Variants in ATP8A1 observed in about 807,000 individuals in gnomAD.
The protein encoded by ATP8A1 is ATPase phospholipid transporting 8A1, also known as phospholipid-transporting ATPase IA.
In ATP8A1, 90 loss-of-function variants were observed where a neutral mutation model predicts 177.7. That is an observed-to-expected ratio of 0.51 (90% CI 0.43 to 0.60). ATP8A1 has a LOEUF of 0.60. Ranked by LOEUF, ATP8A1 falls within the 20% of genes least tolerant of loss-of-function variation. ATP8A1 has a pLI of 0.00. For missense variants in ATP8A1, 1,072 were observed against 1,392.8 expected (o/e 0.77, Z 3.67); for synonymous variants, 493 against 485.9 (o/e 1.01, Z -0.19).
intron 6 of ATP8A1, among the ~76,000 whole-genome samples, chr4:42,593,897 T>A (rs1734454719): frequency 6.6e-6 from 1 of 151,992 alleles, no homozygotes. Flanking sequence ...TACCATTCCA[T>A]CATAATAATC....
rs185159610 is a variant in ATP8A1, at chr4:42,638,028, T to C, written c.50-10919A>G. Among the ~76,000 whole-genome samples the C allele has an allele frequency of 2.0e-3, 302 of 152,334 alleles. 2 individuals carry two copies. Among genetic ancestry groups the C allele is most frequent in the African/African-American group, 6.4e-3 (268 of 41,572 alleles). On this transcript the variant is annotated intron_variant, in intron 1 of 36. Transcript: ENST00000381668. ...ACAGGCACAAGGGTATGGGTAAGTA[T>C]CTATTAAGTATGCTACTCTAATATG... is the stretch of plus-strand genomic sequence containing the variant.
At chr4:42,561,115 TG>T (rs1730776013) in intron 15 of ATP8A1, among the ~76,000 whole-genome samples, 1 of 152,206 alleles carries the variant, frequency 6.6e-6, no homozygotes, top group South Asian at 2.1e-4. Flanking sequence ...AGTATTGGTT[TG>T]GGAGTGAAGA....
Position 42,556,023 on chromosome 4 carries a change from C to G in ATP8A1, c.1358G>C (p.Gly453Ala). The G allele has an allele frequency of 6.2e-7, 1 of 1,611,480 alleles. No homozygotes were observed. The highest frequency in any genetic ancestry group is 1.1e-5 in the South Asian group (1 of 90,668). Residue 453 changes from glycine (G) to alanine (A), a missense_variant, in exon 16 of 37, where the codon GGA becomes GCA. Physicochemically the swap from Gly to Ala is moderately conservative, Grantham distance 60. Around this residue, in one of 5 missense-constraint regions of ATP8A1, gnomAD observed 388 missense variants for 471.7 expected, o/e 0.82. Transcript: ENST00000381668. ...SPDEWQNSQFGDEKTFSDSSL... is the reference protein window; with the variant it reads ...SPDEWQNSQFADEKTFSDSSL... The stretch of plus-strand genomic sequence containing the variant: ...TGAATCACTAAATGTTTTTTCATCT[C>G]CAAACTGTGAGTTCTGCCTGAAGGG...
At chr4:42,612,106 T>TAAA (rs35389051) in intron 5 of ATP8A1, among the ~76,000 whole-genome samples, 34,096 of 151,958 alleles carry the variant, frequency 0.22, 4,283 homozygotes, top group Non-Finnish European at 0.29. Context: ...ACAGAGAAGA[T>TAAA]AAAGTGGCAA....
At chr4:42,424,477 T>C (rs1004608152) in intron 33 of ATP8A1, among the ~76,000 whole-genome samples, 40 of 152,312 alleles carry the variant, frequency 2.6e-4, no homozygotes, top group African/African-American at 9.4e-4. Flanking sequence ...TTTAAATCCA[T>C]ATATGTATTG....
At chr4:42,626,366 G>A (rs1217648882) in intron 2 of ATP8A1, 3 of 152,260 alleles carry the variant, frequency 2.0e-5, no homozygotes, top group Non-Finnish European at 4.4e-5. Flanking sequence ...TCTAGAATTT[G>A]AAATTGTACA....
At chr4:42,455,245 G>T in intron 29 of ATP8A1, 52 bp downstream of exon 29, 1 of 1,602,788 alleles carries the variant, frequency 6.2e-7, no homozygotes, top group Admixed American at 1.7e-5. Context: ...TATAATGAGG[G>T]CAGTAAACAC....
chr4:42,630,102 G>A (rs906397218), intron 1 of ATP8A1, among the ~76,000 whole-genome samples: 16 of 152,104 alleles, frequency 1.1e-4, no homozygotes, highest in African/African-American at 3.6e-4. Context: ...TATTTCCTCT[G>A]CATATCACCA....
intron 33 of ATP8A1, among the ~76,000 whole-genome samples, chr4:42,424,627 T>C (rs983135184): frequency 2.6e-5 from 4 of 152,200 alleles, no homozygotes; most frequent in African/African-American, 9.6e-5. Flanking sequence ...AATTTCAAAA[T>C]TACACATAAA....
intron 20 of ATP8A1, among the ~76,000 whole-genome samples, chr4:42,526,827 T>C (rs1170760183): frequency 6.6e-6 from 1 of 152,200 alleles, no homozygotes; most frequent in Non-Finnish European, 1.5e-5. Context: ...GTTCTTTCAT[T>C]GGTTTTGGGG....
At chr4:42,556,917 T>C (rs1369916747) in intron 15 of ATP8A1, among the ~76,000 whole-genome samples, 2 of 152,192 alleles carry the variant, frequency 1.3e-5, no homozygotes, top group African/African-American at 4.8e-5. Flanking sequence ...CAGAAAGCTT[T>C]TGATCACAAC....
At chr4:42,515,066 T>A in intron 22 of ATP8A1, among the ~76,000 whole-genome samples, 1 of 152,330 alleles carries the variant, frequency 6.6e-6, no homozygotes, top group South Asian at 2.1e-4. Context: ...ATTTTCTTGC[T>A]TACCCCAATG....
At chr4:42,525,214 A>T (rs1470919821) in intron 20 of ATP8A1, among the ~76,000 whole-genome samples, 1 of 152,232 alleles carries the variant, frequency 6.6e-6, no homozygotes, top group African/African-American at 2.4e-5. Context: ...GAACTCAAGT[A>T]AGTTTGGCAA....
chr4:42,589,023 C>G (rs1733900489), intron 7 of ATP8A1, among the ~76,000 whole-genome samples: 1 of 152,152 alleles, frequency 6.6e-6, no homozygotes, highest in Non-Finnish European at 1.5e-5. Context: ...GCTCCTTGAC[C>G]TAGAAGATGC....
chr4:42,460,561 G>C (rs1260193427), intron 27 of ATP8A1, among the ~76,000 whole-genome samples: 1 of 151,720 alleles, frequency 6.6e-6, no homozygotes, highest in Non-Finnish European at 1.5e-5. Context: ...CTAATTTTTT[G>C]TATTTTTAGT....
At chr4:42,565,850 T>C (rs977541492) in intron 15 of ATP8A1, among the ~76,000 whole-genome samples, 7 of 152,200 alleles carry the variant, frequency 4.6e-5, no homozygotes, top group African/African-American at 1.2e-4. Context: ...GAGCATATCT[T>C]AGGGCTACAT....
intron 33 of ATP8A1, among the ~76,000 whole-genome samples, chr4:42,431,713 G>A (rs1236043832): frequency 6.6e-6 from 1 of 152,056 alleles, no homozygotes; most frequent in Non-Finnish European, 1.5e-5. Context: ...AAACATCCTG[G>A]TAGCATAACT....
intron 20 of ATP8A1, among the ~76,000 whole-genome samples, chr4:42,528,634 C>T (rs1726953181): frequency 6.6e-6 from 1 of 152,082 alleles, no homozygotes; most frequent in South Asian, 2.1e-4. Context: ...GCCTATAAGG[C>T]CCACCAAGCA....
At chr4:42,618,788 G>A (rs748667139) in intron 4 of ATP8A1, among the ~76,000 whole-genome samples, 1 of 152,156 alleles carries the variant, frequency 6.6e-6, no homozygotes, top group Non-Finnish European at 1.5e-5. Flanking sequence ...TCTTAAAAAT[G>A]TACTAAATTC....
Sources: gnomAD v4.1 joint callset for allele counts (sites outside exome capture counted in the v4.1 genomes callset) on GRCh38, gnomAD v4.1.1 for gene constraint, gnomAD v4.1.1 regional missense constraint, MANE v1.5 for transcripts, NCBI Gene and HGNC (gene_info 2026-07-23, HGNC 2026-07-21) for gene names.